Variants in MAPK10 observed in about 807,000 individuals in gnomAD.
MAPK10 encodes JNK3 alpha protein kinase.
Under a neutral mutation model 59.3 loss-of-function variants are expected in MAPK10, and 25 were observed. The ratio of observed to expected loss-of-function variants is 0.42; its 90% CI spans 0.31 to 0.59. The LOEUF (loss-of-function observed/expected upper bound fraction) is 0.59. Among genes scored for constraint, MAPK10 ranks in the 20% least tolerant of loss-of-function variants. The pLI, the probability that MAPK10 is intolerant of heterozygous loss-of-function variation, is 0.15. For synonymous variants in MAPK10, 190 were observed against 200.5 expected (o/e 0.95, Z 0.44); for missense variants, 351 against 568.9 (o/e 0.62, Z 3.90).
intron 11 of MAPK10, among the ~76,000 whole-genome samples, chr4:86,050,918 A>C (rs2043390606): frequency 6.6e-6 from 1 of 152,122 alleles, no homozygotes; most frequent in Non-Finnish European, 1.5e-5. Flanking sequence ...TTTTCAGAAA[A>C]AGTGCTTGAG....
intron 3 of MAPK10, among the ~76,000 whole-genome samples, chr4:86,170,010 G>A (rs1482384319): frequency 6.6e-6 from 1 of 151,926 alleles, no homozygotes; most frequent in Non-Finnish European, 1.5e-5. Context: ...GAAAGCAAAT[G>A]CTGAGATTTT....
At chr4:86,585,094 G>C (rs1762570227) in intron 1 of MAPK10, among the ~76,000 whole-genome samples, 2 of 152,282 alleles carry the variant, frequency 1.3e-5, no homozygotes, top group African/African-American at 4.8e-5. Context: ...CTTATTGAAA[G>C]CCGAGTAACT....
chr4:86,577,799 T>G (rs1762010298), intron 1 of MAPK10, among the ~76,000 whole-genome samples: 1 of 152,076 alleles, frequency 6.6e-6, no homozygotes, highest in African/African-American at 2.4e-5. Context: ...ATCATTGAAT[T>G]GGAAAAACAG....
At chr4:86,091,914 T>C (rs924426751) in intron 9 of MAPK10, among the ~76,000 whole-genome samples, 4 of 152,010 alleles carry the variant, frequency 2.6e-5, no homozygotes, top group Non-Finnish European at 4.4e-5. Flanking sequence ...CCTTGTGATC[T>C]GCCCACCTCG....
At chr4:86,142,814 C>A (rs2063934201) in intron 4 of MAPK10, among the ~76,000 whole-genome samples, 1 of 152,150 alleles carries the variant, frequency 6.6e-6, no homozygotes, top group Non-Finnish European at 1.5e-5. Context: ...TCCCTCCCTC[C>A]TCATGGTTAT....
intron 1 of MAPK10, among the ~76,000 whole-genome samples, chr4:86,466,558 G>A (rs1170761492): frequency 1.3e-5 from 2 of 152,190 alleles, no homozygotes; most frequent in East Asian, 3.8e-4. Flanking sequence ...TCTTGGCAGT[G>A]TAATTGATTA....
chr4:86,496,184 A>G (rs904819366), intron 1 of MAPK10, among the ~76,000 whole-genome samples: 2 of 152,174 alleles, frequency 1.3e-5, no homozygotes, highest in African/African-American at 2.4e-5. Flanking sequence ...TATTAGCTAC[A>G]TGCTTTCCAG....
At chr4:86,462,848 A>T (rs1751866114) in intron 1 of MAPK10, among the ~76,000 whole-genome samples, 1 of 152,126 alleles carries the variant, frequency 6.6e-6, no homozygotes, top group African/African-American at 2.4e-5. Flanking sequence ...ACTAGGAAAA[A>T]ATTTGCAAGG....
At chr4:86,037,214 G>T (rs778070551) in intron 11 of MAPK10, among the ~76,000 whole-genome samples, 1 of 152,142 alleles carries the variant, frequency 6.6e-6, no homozygotes, top group African/African-American at 2.4e-5. Flanking sequence ...ACAAGTACCT[G>T]TTCAATTCCT....
chr4:86,457,406 C>T (rs1751330961), upstream of MAPK10, among the ~76,000 whole-genome samples: 2 of 152,160 alleles, frequency 1.3e-5, no homozygotes, highest in African/African-American at 2.4e-5. Flanking sequence ...ACCTAGAAAA[C>T]CCTAAAGACT....
chr4:86,468,217 C>T (rs1291484856), intron 1 of MAPK10, among the ~76,000 whole-genome samples: 3 of 152,158 alleles, frequency 2.0e-5, no homozygotes, highest in African/African-American at 7.2e-5. Flanking sequence ...CTGGTTGTTG[C>T]TAGCCTTGCT....
At chr4:86,326,492 T>G (rs1211697785) in intron 2 of MAPK10, 1 of 152,084 alleles carries the variant, frequency 6.6e-6, no homozygotes, top group Non-Finnish European at 1.5e-5. Context: ...TAGAGGAGAT[T>G]TAATGGTGAG....
At chr4:86,504,058 T>G (rs1349387509) in intron 1 of MAPK10, among the ~76,000 whole-genome samples, 4 of 152,066 alleles carry the variant, frequency 2.6e-5, no homozygotes, top group Non-Finnish European at 5.9e-5. Flanking sequence ...CAAAGTAACA[T>G]TCCCCCCAGC....
intron 2 of MAPK10, among the ~76,000 whole-genome samples, chr4:86,330,820 G>C (rs181479796): frequency 1.2e-4 from 18 of 152,208 alleles, no homozygotes; most frequent in East Asian, 7.7e-4. Flanking sequence ...AGGTTAATTT[G>C]ACATAGTCAT....
chr4:86,105,247 T>A lies in MAPK10; in HGVS notation c.366+1976A>T, dbSNP rs1230173018. On this transcript the variant is annotated intron_variant, in intron 5 of 13. Transcript: ENST00000641462. Reference sequence around the variant, plus strand: ...GCTTTCCACAGTATTAACACAGTTCTACGTTCTTATTAATGCGAAATTTAC... The same window carrying A: ...GCTTTCCACAGTATTAACACAGTTCAACGTTCTTATTAATGCGAAATTTAC... Among the ~76,000 whole-genome samples the A allele has an allele frequency of 2.0e-5, 3 of 152,156 alleles. No individual in the cohort carries two copies. In the East Asian group the frequency reaches 5.8e-4, roughly 29 times the overall value.
At chr4:86,143,478 C>A (rs909784693) in intron 4 of MAPK10, among the ~76,000 whole-genome samples, 1 of 152,124 alleles carries the variant, frequency 6.6e-6, no homozygotes, top group Non-Finnish European at 1.5e-5. Flanking sequence ...TTGTCCTATT[C>A]CCTGGAACTA....
At chr4:86,413,774 A>C (rs1023478061) in intron 1 of MAPK10, among the ~76,000 whole-genome samples, 7 of 152,296 alleles carry the variant, frequency 4.6e-5, no homozygotes, top group Admixed American at 2.0e-4. Flanking sequence ...CTGTGGGAAA[A>C]GCACAGTATT....
chr4:86,539,333 A>G (rs756938274), intron 1 of MAPK10, among the ~76,000 whole-genome samples: 5 of 152,184 alleles, frequency 3.3e-5, no homozygotes, highest in Non-Finnish European at 7.3e-5. Context: ...CGGGTCTATT[A>G]CAGTGACACA....
chr4:86,247,225 T>C (rs1384894851), intron 2 of MAPK10, among the ~76,000 whole-genome samples: 2 of 152,228 alleles, frequency 1.3e-5, no homozygotes, highest in Non-Finnish European at 2.9e-5. Context: ...TTTTCCTCTA[T>C]GTTCTCTCAT....
Sources: allele counts gnomAD v4.1 joint callset (sites outside exome capture counted in the v4.1 genomes callset), GRCh38; gene constraint gnomAD v4.1.1; transcripts MANE v1.5; gene names NCBI Gene and HGNC (gene_info 2026-07-23, HGNC 2026-07-21).